Variants in THRA observed in about 807,000 individuals in gnomAD.
The protein encoded by THRA is EAR-7.
THRA carries 13 observed loss-of-function variants against 45.0 expected under a neutral mutation model. The ratio of observed to expected loss-of-function variants is 0.29; its 90% CI spans 0.19 to 0.46. The LOEUF is 0.46. Among genes scored for constraint, THRA ranks in the 20% least tolerant of loss-of-function variants. The pLI, the probability that THRA is intolerant of heterozygous loss-of-function variation, is 1.00. For missense variants in THRA, 278 were observed against 556.1 expected (o/e 0.50, Z 5.03); for synonymous variants, 195 against 214.0 (o/e 0.91, Z 0.78).
At chr17:40,084,508 CGG>C in intron 5 of THRA, 100 bp from the exon 6 acceptor site, 1 of 1,348,554 alleles carries the variant, frequency 7.4e-7, no homozygotes, top group Non-Finnish European at 1.0e-6. Flanking sequence ...CCATGGCCCT[CGG>C]TTTCTCCAAC....
At chr17:40,084,430 C>T in intron 5 of THRA, 180 bp from the exon 6 acceptor site, 1 of 657,886 alleles carries the variant, frequency 1.5e-6, no homozygotes, top group East Asian at 2.6e-5. Flanking sequence ...TTGACATGGT[C>T]CCGGGGATTA....
Position 40,089,747 on chromosome 17 carries a change from G to C in THRA, c.*291G>C, listed in dbSNP as rs376283259. 7.9e-7 allele frequency: 1 copy of C among 1,269,788 alleles called. No homozygotes were observed. Among genetic ancestry groups the C allele is most frequent in the Non-Finnish European group, 1.0e-6 (1 of 998,356 alleles). 78.7% of individuals were successfully genotyped at this position (1,269,788 alleles called of 1,614,324 possible). The stretch of plus-strand genomic sequence containing the variant: ...TCCTCTCAGAAGGTAGGGGAAGGGC[G>C]GGAGGATTGAGAAGGGACAAGCCAC... On this transcript the variant is annotated 3_prime_UTR_variant, in exon 9 of 9. Coordinates refer to ENST00000450525, the MANE Select transcript of THRA (RefSeq NM_199334.5). This position sits in a 1 kb window ranked among gnomAD's most constrained non-coding sequence, Gnocchi z 6.1.
At chr17:40,088,608 C>G (rs1987418112) in intron 8 of THRA, 108 bp downstream of exon 8, 1 of 1,394,144 alleles carries the variant, frequency 7.2e-7, no homozygotes, top group East Asian at 2.3e-5. Flanking sequence ...TCTGGGCTAC[C>G]TCTCTGTCAC....
intron 1 of THRA, among the ~76,000 whole-genome samples, chr17:40,071,387 C>T (rs1986769646): frequency 6.6e-6 from 1 of 152,204 alleles, no homozygotes; most frequent in Non-Finnish European, 1.5e-5. Flanking sequence ...GGGAACCTGG[C>T]GGGGCGCCCG....
At chr17:40,086,070 C>T (rs961558181) in intron 6 of THRA, among the ~76,000 whole-genome samples, 4 of 152,212 alleles carry the variant, frequency 2.6e-5, no homozygotes, top group African/African-American at 9.7e-5. Context: ...CATGATTACA[C>T]CGCTGCACTC....
chr17:40,084,035 G>A (rs1987237700), intron 5 of THRA, 53 bp downstream of exon 5: 1 of 1,543,062 alleles, frequency 6.5e-7, no homozygotes, highest in Non-Finnish European at 8.7e-7. Context: ...GTGGGGATGA[G>A]TTCTGGGAGG....
Position 40,089,805 on chromosome 17 carries a change from G to A in THRA, c.*349G>A. 1.8e-6 allele frequency: 2 copies of A among 1,139,440 alleles called. No homozygotes were observed. Among genetic ancestry groups the A allele is most frequent in the South Asian group, 4.4e-5 (2 of 45,940 alleles). 70.6% of individuals were successfully genotyped at this position (1,139,440 alleles called of 1,614,324 possible). Reference sequence around the variant, plus strand: ...GTAGGGGAAGGAGGAATGTGGGCTGGGGGAAGATGCCCTCAACTCACCCCC... The same window carrying A: ...GTAGGGGAAGGAGGAATGTGGGCTGAGGGAAGATGCCCTCAACTCACCCCC... On this transcript the variant is annotated 3_prime_UTR_variant, in exon 9 of 9. Coordinates refer to ENST00000450525, the MANE Select transcript of THRA (RefSeq NM_199334.5). The surrounding 1 kb of genome is among the most constrained non-coding windows in gnomAD (Gnocchi z 6.1).
At chr17:40,093,435 G>A (rs1203258699), downstream of THRA, 1 of 1,555,230 alleles carries the variant, frequency 6.4e-7, no homozygotes, top group Admixed American at 1.9e-5. This position sits in a 1 kb window ranked among gnomAD's most constrained non-coding sequence, Gnocchi z 5.9. Flanking sequence ...CCTTCTCCCA[G>A]GCCTCTGCCC....
At chr17:40,093,280 G>C, downstream of THRA, 1 of 1,613,652 alleles carries the variant, frequency 6.2e-7, no homozygotes, top group Non-Finnish European at 8.5e-7. This position sits in a 1 kb window ranked among gnomAD's most constrained non-coding sequence, Gnocchi z 5.9. Context: ...ATGCCCGAGC[G>C]GTCTGTGGGG....
At position 40,092,886 on chromosome 17, in the gene THRA, G is replaced by T; in HGVS notation, c.*3430G>T. On this transcript the variant is annotated 3_prime_UTR_variant, in exon 9 of 9. Transcript: ENST00000450525. The stretch of plus-strand genomic sequence containing the variant: ...GAGACAGAGTGGTTTAAATAGGGGA[G>T]GAGGGGAAGTTCGGTGATGGGGGAG... The T allele has an allele frequency of 7.7e-7, 1 of 1,302,498 alleles. No individual in the cohort carries two copies. Among genetic ancestry groups the T allele is most frequent in the Non-Finnish European group, 1.0e-6 (1 of 963,180 alleles). 80.7% of individuals were successfully genotyped at this position (1,302,498 alleles called of 1,614,324 possible).
chr17:40,088,624 C>T, intron 8 of THRA, 124 bp downstream of exon 8: 1 of 1,233,948 alleles, frequency 8.1e-7, no homozygotes, highest in Non-Finnish European at 1.1e-6. Context: ...GTCACCTGGG[C>T]CATCCCCTAT....
chr17:40,092,904 T>C lies in THRA; in HGVS notation c.*3448T>C. On this transcript the variant is annotated 3_prime_UTR_variant, in exon 9 of 9. Coordinates refer to ENST00000450525, the MANE Select transcript of THRA (RefSeq NM_199334.5). The stretch of plus-strand genomic sequence containing the variant: ...TAGGGGAGGAGGGGAAGTTCGGTGA[T>C]GGGGGAGGGAGGCAGGTATTTACAA... The C allele has an allele frequency of 2.8e-6, 4 of 1,407,894 alleles. No individual in the cohort carries two copies. The highest frequency in any genetic ancestry group is 3.8e-6 in the Non-Finnish European group (4 of 1,054,170). The allele number at this position is 1,407,894 out of a possible 1,614,324, so 87.2% of individuals were successfully genotyped here. A position where few individuals can be genotyped will look rare whatever the true frequency, so the allele number is the denominator to read the frequency against.
intron 1 of THRA, chr17:40,069,087 T>TCTCCCTCCCTCTCTCTCTCC: frequency 6.8e-6 from 1 of 146,352 alleles, no homozygotes. Flanking sequence ...TCCCTCCCTC[T>TCTCCCTCCCTCTCTCTCTCC]CTCCCTCCCT....
In THRA at chr17:40,076,242, A is replaced by G. The variant is rs140928216; in HGVS notation, c.54-629A>G. ...CTGTGCAGAGGGTGTAGTGTTTTCT[A>G]TTGCTGTGGGTTATTTAGCATGTGT... is the stretch of plus-strand genomic sequence containing the variant. On this transcript the variant is annotated intron_variant, in intron 2 of 8. Coordinates refer to ENST00000450525, the MANE Select transcript of THRA (RefSeq NM_199334.5). 3.1e-3 allele frequency among the ~76,000 whole-genome samples: 478 copies of G among 152,164 alleles called. 2 individuals are homozygous for G. Among genetic ancestry groups the G allele is most frequent in the African/African-American group, 0.011 (454 of 41,510 alleles).
Position 40,089,213 on chromosome 17 carries a change from G to A in THRA, c.990G>A (p.Ser330=), listed in dbSNP as rs757747930. The change falls in exon 9 of 9, where the codon TCG becomes TCA. Residue 330 remains serine, a synonymous_variant. Coordinates refer to ENST00000450525, the MANE Select transcript of THRA (RefSeq NM_199334.5). The surrounding 1 kb of genome is among the most constrained non-coding windows in gnomAD (Gnocchi z 6.1). ...GCCCCTCTTCCCTCACAGACCGCTC[G>A]GGCCTGCTGTGTGTGGACAAGATCG... The part of the protein sequence containing the change: ...QAVLLMSTDR[S]GLLCVDKIEK... The A allele has an allele frequency of 1.2e-5, 19 of 1,613,496 alleles. No homozygotes were observed. Among genetic ancestry groups the A allele is most frequent in the African/African-American group, 2.7e-5 (2 of 74,786 alleles).
chr17:40,084,537 G>C, intron 5 of THRA, 73 bp from the exon 6 acceptor site: 3 of 1,541,774 alleles, frequency 1.9e-6, no homozygotes, highest in South Asian at 1.2e-5. Flanking sequence ...TCTAGGAAGA[G>C]TAGTTTCCGG....
intron 4 of THRA, among the ~76,000 whole-genome samples, chr17:40,079,940 G>A (rs567659991): frequency 1.3e-5 from 2 of 152,176 alleles, no homozygotes; most frequent in African/African-American, 2.4e-5. Context: ...AGTGATGTAC[G>A]CCTGTAATCC....
chr17:40,086,244 C>T (rs1226868151), intron 6 of THRA, among the ~76,000 whole-genome samples: 1 of 152,138 alleles, frequency 6.6e-6, no homozygotes, highest in African/African-American at 2.4e-5. Flanking sequence ...GGCACGGGCT[C>T]TGATTCCAAG....
chr17:40,084,857 C>T (rs774473110), intron 6 of THRA, 42 bp downstream of exon 6: 2 of 1,605,182 alleles, frequency 1.2e-6, no homozygotes, highest in African/African-American at 1.3e-5. Flanking sequence ...AGCCAGGTGG[C>T]AGGGAGAAGA....
Sources: gnomAD v4.1 joint callset for allele counts (sites outside exome capture counted in the v4.1 genomes callset) on GRCh38, gnomAD v4.1.1 for gene constraint, Gnocchi (gnomAD v3.1) non-coding constraint, MANE v1.5 for transcripts, NCBI Gene and HGNC (gene_info 2026-07-23, HGNC 2026-07-21) for gene names.